The following COG6 variants were observed in gnomAD, a reference collection of about 807,000 sequenced individuals.
The protein encoded by COG6 is conserved oligomeric Golgi complex subunit 6.
A neutral mutation model predicts 88.8 loss-of-function variants in COG6; 74 were observed. That is an observed-to-expected ratio of 0.83 (90% CI 0.69 to 1.01). The LOEUF is 1.01. Ranked by LOEUF, COG6 falls within the 50% of genes least tolerant of loss-of-function variation. The probability of loss-of-function intolerance (pLI) is 0.00; values close to 1 mark genes in which losing one functional copy is unlikely to be tolerated. For synonymous variants in COG6, 286 were observed against 278.7 expected, an observed-to-expected ratio of 1.03 and a Z score of -0.26; for missense variants, 800 against 797.9, an observed-to-expected ratio of 1.00 and a Z score of -0.03.
chr13:39,738,100 A>G (rs756048975), intron 18 of COG6, among the ~76,000 whole-genome samples: 9 of 152,166 alleles, frequency 5.9e-5, no homozygotes, highest in African/African-American at 1.7e-4. Context: ...TCTTTCCTTA[A>G]TATGATGTTA....
intron 13 of COG6, among the ~76,000 whole-genome samples, chr13:39,718,304 T>C (rs1878647465): frequency 6.6e-6 from 1 of 152,146 alleles, no homozygotes; most frequent in Non-Finnish European, 1.5e-5. Flanking sequence ...TAAATGCCGA[T>C]ATTTGAAAAT....
intron 17 of COG6, 102 bp from the exon 18 acceptor site, chr13:39,727,367 A>G: frequency 1.1e-6 from 1 of 872,702 alleles, no homozygotes; most frequent in Non-Finnish European, 1.9e-6. Flanking sequence ...TAGAGTATGG[A>G]ATTTTTCTCA....
At chr13:39,759,183 A>G (rs1394008618) in intron 18 of COG6, among the ~76,000 whole-genome samples, 1 of 152,186 alleles carries the variant, frequency 6.6e-6, no homozygotes, top group Non-Finnish European at 1.5e-5. Flanking sequence ...AAGCCACTGG[A>G]TTGTGCTCTT....
At chr13:39,725,367 A>G (rs1360384278) in intron 17 of COG6, among the ~76,000 whole-genome samples, 2 of 151,916 alleles carry the variant, frequency 1.3e-5, no homozygotes, top group African/African-American at 4.8e-5. Context: ...ACTGTACTAA[A>G]CTAGTGATCC....
chr13:39,679,784 A>C (rs982431434), intron 6 of COG6, 164 bp downstream of exon 6: 39 of 696,664 alleles, frequency 5.6e-5, no homozygotes, highest in Non-Finnish European at 7.8e-5. Flanking sequence ...GTTTAGGCTA[A>C]AACAGCAGTT....
At chr13:39,711,694 T>G (rs1222643361) in intron 13 of COG6, among the ~76,000 whole-genome samples, 1 of 152,192 alleles carries the variant, frequency 6.6e-6, no homozygotes, top group African/African-American at 2.4e-5. Context: ...AAATACATGG[T>G]ACAGTTTTTA....
chr13:39,733,288 G>T (rs9548905), intron 18 of COG6, among the ~76,000 whole-genome samples: 74,125 of 149,596 alleles, frequency 0.5, 18,822 homozygotes, highest in South Asian at 0.69. Flanking sequence ...CGTCCTGGGT[G>T]CAAGCCACTC....
At chr13:39,705,992 T>C (rs1392435173) in intron 13 of COG6, among the ~76,000 whole-genome samples, 1 of 151,882 alleles carries the variant, frequency 6.6e-6, no homozygotes, top group Non-Finnish European at 1.5e-5. Flanking sequence ...TCTGAAATGC[T>C]TTAATATTTA....
In COG6 at chr13:39,689,821, A is replaced by G. The variant is rs746862943; in HGVS notation, c.1071A>G (p.Leu357=). ...TCACTGAAGGTGTGTGCAGGCCTCT[A>G]AAGGTAAAATATTTTGTTTTTACAT... ...GHITEGVCRP[L]KVRIEQVIVA... Residue 357 remains leucine (L), a synonymous_variant, in exon 11 of 19, where the codon CTA becomes CTG. Coordinates refer to ENST00000455146, the MANE Select transcript of COG6 (RefSeq NM_020751.3). 36 of 1,607,012 alleles carry G rather than the reference A, an allele frequency of 2.2e-5. No homozygotes were observed. Among genetic ancestry groups the G allele is most frequent in the Admixed American group, 1.7e-4 (10 of 59,836 alleles).
At chr13:39,721,710 G>GT (rs1878859838) in intron 15 of COG6, among the ~76,000 whole-genome samples, 1 of 152,192 alleles carries the variant, frequency 6.6e-6, no homozygotes, top group African/African-American at 2.4e-5. Context: ...AATTTACCTT[G>GT]TTGGGTAAAG....
intron 16 of COG6, 25 bp from the exon 17 acceptor site, chr13:39,724,483 C>CTTTTTTTTTTTTTTTTTTATTTTT: frequency 7.8e-7 from 1 of 1,283,440 alleles, no homozygotes; most frequent in Non-Finnish European, 1.1e-6. Flanking sequence ...CTTGGATCTG[C>CTTTTTTTTTTTTTTTTTTATTTTT]TTTTTTTTTT....
At chr13:39,681,855 A>T (rs540429168) in intron 7 of COG6, among the ~76,000 whole-genome samples, 57 of 152,264 alleles carry the variant, frequency 3.7e-4, no homozygotes, top group African/African-American at 1.3e-3. Context: ...ACTGTCATGT[A>T]TATGGCAGTT....
intron 3 of COG6, among the ~76,000 whole-genome samples, chr13:39,663,255 A>G (rs1176263876): frequency 6.6e-6 from 1 of 152,114 alleles, no homozygotes; most frequent in South Asian, 2.1e-4. Context: ...TATGCAAAAA[A>G]ATTAGCAAAT....
At chr13:39,686,876 T>A (rs1308306252) in intron 8 of COG6, among the ~76,000 whole-genome samples, 1 of 151,732 alleles carries the variant, frequency 6.6e-6, no homozygotes, top group Non-Finnish European at 1.5e-5. Flanking sequence ...ACTATAGGCA[T>A]GCACCACCAT....
At chr13:39,743,404 A>G (rs1476123635) in intron 18 of COG6, among the ~76,000 whole-genome samples, 2 of 152,206 alleles carry the variant, frequency 1.3e-5, no homozygotes, top group Admixed American at 1.3e-4. Flanking sequence ...AGATGCAATA[A>G]AAAATGATAA....
Position 39,752,496 on chromosome 13 carries a change from A to C in COG6, c.*1403A>C. 8.8e-7 allele frequency: 1 copy of C among 1,142,636 alleles called. No homozygotes were observed. Among genetic ancestry groups the C allele is most frequent in the Non-Finnish European group, 1.1e-6 (1 of 877,316 alleles). 70.8% of individuals were successfully genotyped at this position (1,142,636 alleles called of 1,614,324 possible). ...GACAGAAAATAAAGTATAAATCAAGAGCTTAAATTGTATATAATTTATTTC... is the reference window on the plus strand; with the variant it reads ...GACAGAAAATAAAGTATAAATCAAGCGCTTAAATTGTATATAATTTATTTC... On this transcript the variant is annotated 3_prime_UTR_variant, in exon 19 of 19. Transcript: ENST00000455146.
rs1408380658 is a variant in COG6, at chr13:39,691,425, T to G, written c.1074+1601T>G. 5.9e-5 allele frequency among the ~76,000 whole-genome samples: 9 copies of G among 152,090 alleles called. No homozygotes were observed. The East Asian group carries it at 1.7e-3, about 29-fold the overall frequency. On this transcript the variant is annotated intron_variant, in intron 11 of 18. Coordinates refer to ENST00000455146, the MANE Select transcript of COG6 (RefSeq NM_020751.3). The stretch of plus-strand genomic sequence containing the variant: ...TCTGCTGGCAAATTTAAATGTAAGA[T>G]GCCAAAGGTAAAGAAGACACTAGTA...
At chr13:39,734,813 T>C (rs1879646294) in intron 18 of COG6, among the ~76,000 whole-genome samples, 4 of 152,204 alleles carry the variant, frequency 2.6e-5, no homozygotes, top group Admixed American at 6.5e-5. Flanking sequence ...ACAATTGTTA[T>C]ATCCTCTTGC....
chr13:39,698,831 G>A (rs899515344), intron 12 of COG6, among the ~76,000 whole-genome samples: 32 of 151,636 alleles, frequency 2.1e-4, no homozygotes, highest in Non-Finnish European at 4.4e-5. Context: ...GAAAAAAATG[G>A]GAATTGTTTT....
Sources: gnomAD v4.1 joint callset for allele counts (sites outside exome capture counted in the v4.1 genomes callset) on GRCh38, gnomAD v4.1.1 for gene constraint, MANE v1.5 for transcripts, NCBI Gene and HGNC (gene_info 2026-07-23, HGNC 2026-07-21) for gene names.